The following RBBP4 variants were observed in gnomAD, a reference collection of about 807,000 sequenced individuals.
RBBP4 encodes the protein histone-binding protein RBBP4.
A neutral mutation model predicts 57.2 loss-of-function variants in RBBP4; 3 were observed. The ratio of observed to expected loss-of-function variants is 0.05; its 90% CI spans 0.02 to 0.14. The LOEUF is 0.14. RBBP4 is among the 10% of genes least tolerant of loss of function. RBBP4 has a pLI of 1.00. For missense variants in RBBP4, 107 were observed against 520.6 expected (o/e 0.21, Z 7.73); for synonymous variants, 151 against 171.5 (o/e 0.88, Z 0.93).
At chr1:32,658,361 T>A (rs1442354285) in intron 3 of RBBP4, among the ~76,000 whole-genome samples, 6 of 142,032 alleles carry the variant, frequency 4.2e-5, no homozygotes, top group Non-Finnish European at 6.1e-5. Context: ...GGAGCAATAG[T>A]AAAAAAAAAA....
At chr1:32,660,426 A>AG (rs1648350914) in intron 3 of RBBP4, among the ~76,000 whole-genome samples, 1 of 14,584 alleles carries the variant, frequency 6.9e-5, no homozygotes, top group Non-Finnish European at 9.1e-4. Context: ...TTATTTATTT[A>AG]TTTTTTTTGA....
intron 8 of RBBP4, among the ~76,000 whole-genome samples, chr1:32,670,781 C>T (rs1327956468): frequency 1.3e-5 from 2 of 152,100 alleles, no homozygotes; most frequent in East Asian, 1.9e-4. Flanking sequence ...TTAGAAATTA[C>T]TATAATAAAA....
chr1:32,676,814 G>A lies in RBBP4; in HGVS notation c.1213-2826G>A, dbSNP rs549691123. Reference sequence around the variant, plus strand: ...ACTTAATAGCTGGGCGTGATGGCACGTACCTGTAGTCCCAGTTCCTTGGGA... The same window carrying A: ...ACTTAATAGCTGGGCGTGATGGCACATACCTGTAGTCCCAGTTCCTTGGGA... On this transcript the variant is annotated intron_variant, in intron 11 of 11. Coordinates refer to ENST00000373493, the MANE Select transcript of RBBP4 (RefSeq NM_005610.3). Among the ~76,000 whole-genome samples, 13 of 151,956 alleles carry A rather than the reference G, an allele frequency of 8.6e-5. No individual in the cohort carries two copies. The South Asian group carries it at 1.0e-3, about 12-fold the overall frequency.
intron 2 of RBBP4, among the ~76,000 whole-genome samples, chr1:32,654,265 C>T (rs1648038703): frequency 2.6e-5 from 4 of 152,042 alleles, no homozygotes; most frequent in Middle Eastern, 3.2e-3. Context: ...GTCCCAGCTC[C>T]TCAGTGGGGG....
At position 32,679,896 on chromosome 1, in the gene RBBP4, C is replaced by CT; in HGVS notation, c.*191_*192insT. 3 of 1,304,330 alleles carry CT rather than the reference C, an allele frequency of 2.3e-6. No individual in the cohort carries two copies. The highest frequency in any genetic ancestry group is 1.9e-6 in the Non-Finnish European group (2 of 1,031,150). 80.8% of individuals were successfully genotyped at this position (1,304,330 alleles called of 1,614,324 possible). On this transcript the variant is annotated 3_prime_UTR_variant, in exon 12 of 12. Coordinates refer to ENST00000373493, the MANE Select transcript of RBBP4 (RefSeq NM_005610.3). ...AGGGGGGCTTGATTCAACAAAGCCACAGACTTAACGTTGAAATTTTCTTCA... is the reference window on the plus strand; with the variant it reads ...AGGGGGGCTTGATTCAACAAAGCCACTAGACTTAACGTTGAAATTTTCTTCA...
chr1:32,656,147 A>G (rs1407314989), intron 2 of RBBP4, among the ~76,000 whole-genome samples: 1 of 152,142 alleles, frequency 6.6e-6, no homozygotes, highest in Non-Finnish European at 1.5e-5. Flanking sequence ...GTTACTTAGT[A>G]GCTGTGTGAT....
chr1:32,651,511 A>G, intron 1 of RBBP4, 189 bp downstream of exon 1: 1 of 1,342,768 alleles, frequency 7.4e-7, no homozygotes, highest in South Asian at 2.2e-5. Context: ...TTTCGGTCGC[A>G]GCTGGCGAAG....
chr1:32,677,487 CAAAAAA>C (rs1649155263), intron 11 of RBBP4, among the ~76,000 whole-genome samples: 1 of 145,194 alleles, frequency 6.9e-6, no homozygotes, highest in Non-Finnish European at 1.5e-5. Flanking sequence ...AAAAACAAAA[CAAAAAA>C]CAAACAAAAA....
At chr1:32,664,978 A>T (rs181411399) in intron 3 of RBBP4, among the ~76,000 whole-genome samples, 335 of 152,306 alleles carry the variant, frequency 2.2e-3, no homozygotes, top group African/African-American at 2.5e-3. Context: ...TTGCTAAAAA[A>T]AATAATAATA....
At chr1:32,666,277 A>C (rs1246618618) in intron 3 of RBBP4, among the ~76,000 whole-genome samples, 2 of 152,230 alleles carry the variant, frequency 1.3e-5, no homozygotes, top group African/African-American at 4.8e-5. Context: ...TGTTTAGCAC[A>C]CTGTGTACTT....
Position 32,681,822 on chromosome 1 carries a change from T to G in RBBP4, c.*2117T>G. 1.9e-6 allele frequency: 3 copies of G among 1,614,184 alleles called. No homozygotes were observed. Among genetic ancestry groups the G allele is most frequent in the Non-Finnish European group, 1.7e-6 (2 of 1,180,026 alleles). ...CTTTGCTAAGAAGTTTTTTGCTGTTTCCGGGTTACAGATTTGGCCATATAT... is the reference window on the plus strand; with the variant it reads ...CTTTGCTAAGAAGTTTTTTGCTGTTGCCGGGTTACAGATTTGGCCATATAT... On this transcript the variant is annotated 3_prime_UTR_variant, in exon 12 of 12. Transcript: ENST00000373493.
chr1:32,666,444 C>T (rs893406586), intron 3 of RBBP4, among the ~76,000 whole-genome samples: 1 of 152,046 alleles, frequency 6.6e-6, no homozygotes, highest in African/African-American at 2.4e-5. Flanking sequence ...CTGCAACCTC[C>T]GCCTCCCAGG....
intron 1 of RBBP4, chr1:32,651,557 T>G: frequency 3.6e-5 from 41 of 1,128,258 alleles, no homozygotes; most frequent in Non-Finnish European, 4.5e-5. Flanking sequence ...TTTGTTTCTC[T>G]TCCTGCCTCC....
Position 32,669,444 on chromosome 1 carries a change from TC to T in RBBP4, c.889-41del. Reference sequence around the variant, plus strand: ...TATTTTACTTACAGTATTTTTTTTTTCTTAAAAAATTGATTACTCTTGCTTT... The same window carrying T: ...TATTTTACTTACAGTATTTTTTTTTTTTAAAAAATTGATTACTCTTGCTTT... On this transcript the variant is annotated intron_variant, in intron 7 of 11. Coordinates refer to ENST00000373493, the MANE Select transcript of RBBP4 (RefSeq NM_005610.3). The surrounding 1 kb of genome is among the most constrained non-coding windows in gnomAD (Gnocchi z 4.9). 5 of 1,567,210 alleles carry T rather than the reference TC, an allele frequency of 3.2e-6. No individual in the cohort carries two copies. Among genetic ancestry groups the T allele is most frequent in the South Asian group, 2.4e-5 (2 of 83,006 alleles).
intron 3 of RBBP4, among the ~76,000 whole-genome samples, chr1:32,666,194 C>T (rs549241207): frequency 1.1e-4 from 16 of 152,152 alleles, no homozygotes; most frequent in South Asian, 2.1e-4. Context: ...AGAAGATAAA[C>T]GGCATGATGG....
In RBBP4 at chr1:32,684,167, G is replaced by A; in HGVS notation, c.*4462G>A. On this transcript the variant is annotated 3_prime_UTR_variant, in exon 12 of 12. Coordinates refer to ENST00000373493, the MANE Select transcript of RBBP4 (RefSeq NM_005610.3). ...AAATCATTTCCCAAATCCTCTTTTT[G>A]TTTTTGATTCTAAGGTAAAATTTTC... The A allele has an allele frequency of 6.2e-7, 1 of 1,603,778 alleles. No individual in the cohort carries two copies. Among genetic ancestry groups the A allele is most frequent in the South Asian group, 1.1e-5 (1 of 90,062 alleles).
At chr1:32,654,556 T>C (rs1648050838) in intron 2 of RBBP4, among the ~76,000 whole-genome samples, 3 of 152,210 alleles carry the variant, frequency 2.0e-5, no homozygotes, top group Admixed American at 2.0e-4. Context: ...CCAAGTAATA[T>C]AATAGAATGA....
chr1:32,662,043 A>T (rs1417304397), intron 3 of RBBP4, among the ~76,000 whole-genome samples: 1 of 149,228 alleles, frequency 6.7e-6, no homozygotes, highest in Non-Finnish European at 1.5e-5. Context: ...GTGCCACCAC[A>T]CCCAGCTAAT....
At chr1:32,667,970 A>G (rs1160446945) in intron 3 of RBBP4, among the ~76,000 whole-genome samples, 1 of 152,200 alleles carries the variant, frequency 6.6e-6, no homozygotes, top group East Asian at 1.9e-4. Flanking sequence ...AATATTTTCA[A>G]TTAATGGCTA....
Sources: allele counts gnomAD v4.1 joint callset (sites outside exome capture counted in the v4.1 genomes callset), GRCh38; gene constraint gnomAD v4.1.1; non-coding constraint Gnocchi (gnomAD v3.1); transcripts MANE v1.5; gene names NCBI Gene and HGNC (gene_info 2026-07-23, HGNC 2026-07-21).